The following ATP8A2 variants were observed in gnomAD, a reference collection of about 807,000 sequenced individuals.
ATP8A2 encodes phospholipid-transporting ATPase IB.
Under a neutral mutation model 165.6 loss-of-function variants are expected in ATP8A2, and 100 were observed. That is an observed-to-expected ratio of 0.60 (90% CI 0.51 to 0.71). The LOEUF (loss-of-function observed/expected upper bound fraction) is 0.71. Among genes scored for constraint, ATP8A2 ranks in the 30% least tolerant of loss-of-function variants. The probability of loss-of-function intolerance (pLI) is 0.00; values close to 1 mark genes in which losing one functional copy is unlikely to be tolerated. For synonymous variants in ATP8A2, 543 were observed against 548.8 expected, an observed-to-expected ratio of 0.99 and a Z score of 0.15; for missense variants, 1,227 against 1,479.5, an observed-to-expected ratio of 0.83 and a Z score of 2.80.
chr13:25,792,940 A>G (rs564042072), intron 27 of ATP8A2, among the ~76,000 whole-genome samples: 1 of 150,354 alleles, frequency 6.7e-6, no homozygotes, highest in South Asian at 2.2e-4. Context: ...GAGAGAAAGA[A>G]GAAAGGAAGG....
At chr13:25,396,820 CTT>C (rs986320440) in intron 1 of ATP8A2, among the ~76,000 whole-genome samples, 2 of 152,226 alleles carry the variant, frequency 1.3e-5, no homozygotes, top group Non-Finnish European at 2.9e-5. Flanking sequence ...ACTCTAAAAA[CTT>C]TGCCAATATA....
chr13:25,931,430 A>G (rs1193170312), intron 33 of ATP8A2, among the ~76,000 whole-genome samples: 2 of 152,156 alleles, frequency 1.3e-5, no homozygotes, highest in East Asian at 1.9e-4. Context: ...ATATTGCTTT[A>G]TCTTCATTAT....
chr13:25,969,625 A>G (rs1236784530), intron 35 of ATP8A2, among the ~76,000 whole-genome samples: 2 of 152,376 alleles, frequency 1.3e-5, no homozygotes, highest in East Asian at 1.9e-4. Flanking sequence ...AGAGAATGCA[A>G]ACATTTTGAG....
At chr13:25,414,567 G>A (rs541506032) in intron 1 of ATP8A2, among the ~76,000 whole-genome samples, 6 of 152,300 alleles carry the variant, frequency 3.9e-5, no homozygotes, top group African/African-American at 7.2e-5. Context: ...AGGAGATTAA[G>A]TTGGCTGTTC....
intron 1 of ATP8A2, among the ~76,000 whole-genome samples, chr13:25,379,840 A>G (rs2032775149): frequency 6.6e-6 from 1 of 152,150 alleles, no homozygotes; most frequent in African/African-American, 2.4e-5. Context: ...AGAAATAAAC[A>G]GTCTTTCTGG....
chr13:25,507,219 T>TTGTG lies in ATP8A2; in HGVS notation c.222-22738_222-22735dup, dbSNP rs560460756. 6.4e-3 allele frequency among the ~76,000 whole-genome samples: 811 copies of TTGTG among 126,978 alleles called. 9 individuals carry two copies. The highest frequency in any genetic ancestry group is 0.025 in the East Asian group (115 of 4,512). The allele number at this position is 126,978 out of a possible 152,430, so 83.3% of individuals were successfully genotyped here. ...TGGGTAATTGTGCTGGTACCATTCT[T>TTGTG]TGTGTGTGTGTGTGTGTGTGTGTGT... On this transcript the variant is annotated intron_variant, in intron 2 of 36. Transcript: ENST00000381655.
intron 27 of ATP8A2, among the ~76,000 whole-genome samples, chr13:25,802,772 A>G (rs1950647298): frequency 6.6e-6 from 1 of 152,180 alleles, no homozygotes; most frequent in African/African-American, 2.4e-5. Context: ...AAAGAAGAAA[A>G]ATGAAGTTCC....
At chr13:25,982,258 G>A (rs1357918375) in intron 35 of ATP8A2, among the ~76,000 whole-genome samples, 1 of 152,180 alleles carries the variant, frequency 6.6e-6, no homozygotes, top group Non-Finnish European at 1.5e-5. Context: ...TATTGTCTAA[G>A]CTATCATCTT....
intron 35 of ATP8A2, among the ~76,000 whole-genome samples, chr13:25,978,000 T>C (rs1956096263): frequency 6.6e-6 from 1 of 152,230 alleles, no homozygotes; most frequent in African/African-American, 2.4e-5. Flanking sequence ...CCATGTCAAC[T>C]TTCTCTATTT....
chr13:25,435,208 C>A (rs1593303140), intron 1 of ATP8A2, among the ~76,000 whole-genome samples: 1 of 151,704 alleles, frequency 6.6e-6, no homozygotes, highest in Non-Finnish European at 1.5e-5. Context: ...GCAACCTCCA[C>A]CTCCCGGTTT....
chr13:25,824,491 C>A (rs935491757), intron 27 of ATP8A2, among the ~76,000 whole-genome samples: 3 of 152,078 alleles, frequency 2.0e-5, no homozygotes, highest in Non-Finnish European at 4.4e-5. Flanking sequence ...ATTTCATGTG[C>A]GTTTGTCATA....
At chr13:25,619,152 T>G (rs1331066636) in intron 24 of ATP8A2, among the ~76,000 whole-genome samples, 2 of 152,152 alleles carry the variant, frequency 1.3e-5, no homozygotes, top group African/African-American at 2.4e-5. Flanking sequence ...GCACCTTTTG[T>G]GGAGGCTTTT....
At chr13:25,497,699 T>A (rs1593403992) in intron 2 of ATP8A2, among the ~76,000 whole-genome samples, 1 of 152,110 alleles carries the variant, frequency 6.6e-6, no homozygotes, top group Admixed American at 6.6e-5. Context: ...ATGCCTGTAA[T>A]CCCAGCCAGC....
intron 1 of ATP8A2, among the ~76,000 whole-genome samples, chr13:25,463,261 T>A (rs2035553696): frequency 6.6e-6 from 1 of 151,938 alleles, no homozygotes; most frequent in African/African-American, 2.4e-5. Context: ...AGTGAAGGAT[T>A]TTGTTTCTGT....
At chr13:25,431,928 C>T (rs1432235925) in intron 1 of ATP8A2, among the ~76,000 whole-genome samples, 1 of 152,162 alleles carries the variant, frequency 6.6e-6, no homozygotes, top group Non-Finnish European at 1.5e-5. Context: ...AATCACTAAT[C>T]AACTCTCTGT....
intron 25 of ATP8A2, among the ~76,000 whole-genome samples, chr13:25,754,346 G>A (rs1227336595): frequency 2.0e-5 from 3 of 152,036 alleles, no homozygotes; most frequent in Non-Finnish European, 4.4e-5. Flanking sequence ...GTTACAGGAA[G>A]GAATGGCTTT....
At chr13:25,928,073 C>G (rs188137359) in intron 33 of ATP8A2, among the ~76,000 whole-genome samples, 83 of 152,296 alleles carry the variant, frequency 5.4e-4, no homozygotes, top group African/African-American at 1.9e-3. Context: ...GTTTCAAACC[C>G]TAGAGAAAAC....
At chr13:25,816,695 C>T (rs952782247) in intron 27 of ATP8A2, among the ~76,000 whole-genome samples, 3 of 152,166 alleles carry the variant, frequency 2.0e-5, no homozygotes, top group African/African-American at 7.2e-5. Context: ...GTAAACAGTT[C>T]AGTAACTGAA....
At chr13:25,487,445 C>T (rs995835431) in intron 2 of ATP8A2, among the ~76,000 whole-genome samples, 5 of 152,196 alleles carry the variant, frequency 3.3e-5, no homozygotes, top group African/African-American at 7.2e-5. Flanking sequence ...TTGTCACCCT[C>T]ATGCAACAAT....
Sources: gnomAD v4.1 joint callset for allele counts (sites outside exome capture counted in the v4.1 genomes callset) on GRCh38, gnomAD v4.1.1 for gene constraint, MANE v1.5 for transcripts, NCBI Gene and HGNC (gene_info 2026-07-23, HGNC 2026-07-21) for gene names.